Variants in ZNF521 observed in about 807,000 individuals in gnomAD.
ZNF521 encodes the protein zinc finger protein 521, also known as LYST-interacting protein 3.
ZNF521 carries 14 observed loss-of-function variants against 105.5 expected under a neutral mutation model. The ratio of observed to expected loss-of-function variants is 0.13; its 90% CI spans 0.09 to 0.21. ZNF521 has a LOEUF of 0.21. Among genes scored for constraint, ZNF521 ranks in the 10% least tolerant of loss-of-function variants. The probability of loss-of-function intolerance (pLI) is 1.00; values close to 1 mark genes in which losing one functional copy is unlikely to be tolerated. For synonymous variants in ZNF521, 635 were observed against 606.0 expected (o/e 1.05, Z -0.70); for missense variants, 1,233 against 1,629.7 (o/e 0.76, Z 4.19).
At chr18:25,281,454 G>C (rs1293629313) in intron 3 of ZNF521, among the ~76,000 whole-genome samples, 1 of 152,194 alleles carries the variant, frequency 6.6e-6, no homozygotes, top group Non-Finnish European at 1.5e-5. Context: ...TTGTTCCATA[G>C]AATGCATGTG....
intron 5 of ZNF521, among the ~76,000 whole-genome samples, chr18:25,142,410 C>T (rs946044106): frequency 6.6e-6 from 1 of 152,072 alleles, no homozygotes; most frequent in African/African-American, 2.4e-5. Context: ...TTCTCATTCC[C>T]AAACAAAACT....
chr18:25,137,424 C>T (rs767117340), intron 5 of ZNF521, among the ~76,000 whole-genome samples: 1 of 152,100 alleles, frequency 6.6e-6, no homozygotes, highest in South Asian at 2.1e-4. Context: ...GTTTCTTTGG[C>T]GGATTCCTCT....
At chr18:25,098,260 C>T (rs1204080607) in intron 5 of ZNF521, among the ~76,000 whole-genome samples, 1 of 152,088 alleles carries the variant, frequency 6.6e-6, no homozygotes. Context: ...TATTTTGGCA[C>T]AAGTAGGGAA....
intron 5 of ZNF521, among the ~76,000 whole-genome samples, chr18:25,133,359 G>A (rs2034675522): frequency 6.6e-6 from 1 of 152,170 alleles, no homozygotes; most frequent in South Asian, 2.1e-4. Context: ...GTGGACAAAT[G>A]AGCAGGTTTT....
chr18:25,203,201 A>C (rs550988049), intron 4 of ZNF521, among the ~76,000 whole-genome samples: 2 of 152,214 alleles, frequency 1.3e-5, no homozygotes, highest in Non-Finnish European at 2.9e-5. Flanking sequence ...TGTATTGCAA[A>C]GAGAAGACAG....
Position 25,195,263 on chromosome 18 carries a change from A to G in ZNF521, c.3574-19T>C, listed in dbSNP as rs2035883384. On this transcript the variant is annotated intron_variant, in intron 4 of 7. Coordinates refer to ENST00000361524, the MANE Select transcript of ZNF521 (RefSeq NM_015461.3). ...TCTTCTTCTGAGAAAACAAGTATAAACAGAGTTACTTAGACACATGGACTT... is the reference window on the plus strand; with the variant it reads ...TCTTCTTCTGAGAAAACAAGTATAAGCAGAGTTACTTAGACACATGGACTT... The G allele has an allele frequency of 6.5e-7, 1 of 1,547,396 alleles. No individual in the cohort carries two copies. Among genetic ancestry groups the G allele is most frequent in the African/African-American group, 1.4e-5 (1 of 71,234 alleles).
At chr18:25,142,197 A>G (rs892765582) in intron 5 of ZNF521, among the ~76,000 whole-genome samples, 5 of 152,106 alleles carry the variant, frequency 3.3e-5, no homozygotes, top group Admixed American at 1.3e-4. Flanking sequence ...CAAATAAACC[A>G]GACTGACACC....
chr18:25,232,142 G>A (rs1490233447), intron 3 of ZNF521, among the ~76,000 whole-genome samples: 1 of 152,134 alleles, frequency 6.6e-6, no homozygotes, highest in Non-Finnish European at 1.5e-5. Context: ...AATACTGATG[G>A]GTCTGATACT....
At chr18:25,271,693 G>T (rs1162392821) in intron 3 of ZNF521, among the ~76,000 whole-genome samples, 1 of 152,198 alleles carries the variant, frequency 6.6e-6, no homozygotes, top group Non-Finnish European at 1.5e-5. Flanking sequence ...AATAAATGGT[G>T]TTGGGAAAAT....
At chr18:25,350,328 C>T (rs889556038) in intron 2 of ZNF521, among the ~76,000 whole-genome samples, 1 of 151,856 alleles carries the variant, frequency 6.6e-6, no homozygotes, top group African/African-American at 2.4e-5. Flanking sequence ...CCGGTGCCCG[C>T]GGCCGGCGGC....
intron 3 of ZNF521, among the ~76,000 whole-genome samples, chr18:25,262,047 T>C (rs1450211518): frequency 1.3e-5 from 2 of 152,138 alleles, no homozygotes; most frequent in Admixed American, 6.5e-5. Context: ...CAATGGACAA[T>C]AGCTTTTGCC....
chr18:25,347,793 C>A (rs7230778), intron 2 of ZNF521, among the ~76,000 whole-genome samples: 130,033 of 152,264 alleles, frequency 0.85, 55,873 homozygotes, highest in African/African-American at 0.95. Flanking sequence ...ATTGTGTCTT[C>A]ATGTTTTTAT....
At chr18:25,343,722 C>T (rs890814814) in intron 2 of ZNF521, among the ~76,000 whole-genome samples, 1 of 152,034 alleles carries the variant, frequency 6.6e-6, no homozygotes, top group African/African-American at 2.4e-5. Flanking sequence ...ATAAAAATGA[C>T]AGGCATACAC....
chr18:25,166,372 A>C (rs527757304), intron 5 of ZNF521, among the ~76,000 whole-genome samples: 2 of 152,338 alleles, frequency 1.3e-5, no homozygotes, highest in Admixed American at 6.5e-5. Context: ...TTCACTAGAT[A>C]AATAGAATTT....
intron 4 of ZNF521, among the ~76,000 whole-genome samples, chr18:25,220,554 C>G (rs572290824): frequency 2.0e-5 from 3 of 152,206 alleles, no homozygotes; most frequent in African/African-American, 7.2e-5. Context: ...TATTTACCCG[C>G]CCCTGTTTTC....
At chr18:25,263,349 T>A (rs1331619235) in intron 3 of ZNF521, among the ~76,000 whole-genome samples, 1 of 151,970 alleles carries the variant, frequency 6.6e-6, no homozygotes, top group African/African-American at 2.4e-5. Flanking sequence ...GTTAGGTCAA[T>A]AACTTGCTTT....
At chr18:25,079,909 A>T (rs1424281049) in intron 7 of ZNF521, among the ~76,000 whole-genome samples, 1 of 152,242 alleles carries the variant, frequency 6.6e-6, no homozygotes, top group African/African-American at 2.4e-5. Flanking sequence ...GTAGCCTTTT[A>T]TATGTCTAGA....
intron 5 of ZNF521, among the ~76,000 whole-genome samples, chr18:25,149,122 T>C (rs1356478575): frequency 6.6e-6 from 1 of 152,196 alleles, no homozygotes; most frequent in Non-Finnish European, 1.5e-5. Flanking sequence ...GCTGTCTTGC[T>C]TCTGGCACAC....
At chr18:25,273,740 T>G (rs1909839845) in intron 3 of ZNF521, 1 of 152,244 alleles carries the variant, frequency 6.6e-6, no homozygotes, top group Non-Finnish European at 1.5e-5. Context: ...ACATTATGTT[T>G]TAAAATTAGC....
Sources: gnomAD v4.1 joint callset for allele counts (sites outside exome capture counted in the v4.1 genomes callset) on GRCh38, gnomAD v4.1.1 for gene constraint, MANE v1.5 for transcripts, NCBI Gene and HGNC (gene_info 2026-07-23, HGNC 2026-07-21) for gene names.